CNTN5: variants seen among roughly 807,000 people sequenced by gnomAD.
CNTN5 encodes contactin 5, also known as contactin-5.
In CNTN5, 77 loss-of-function variants were observed where a neutral mutation model predicts 129.1. The observed-to-expected ratio is 0.60, with a 90% confidence interval of 0.50 to 0.72. The LOEUF is 0.72. Among genes scored for constraint, CNTN5 ranks in the 30% least tolerant of loss-of-function variants. The pLI is 0.00. For missense variants in CNTN5, 1,478 were observed against 1,328.8 expected, an observed-to-expected ratio of 1.11 and a Z score of -1.75; for synonymous variants, 509 against 465.6, an observed-to-expected ratio of 1.09 and a Z score of -1.20.
At chr11:100,111,096 A>G (rs1255510731) in intron 13 of CNTN5, among the ~76,000 whole-genome samples, 2 of 152,050 alleles carry the variant, frequency 1.3e-5, no homozygotes, top group Non-Finnish European at 2.9e-5. Flanking sequence ...AGGGAAAGAG[A>G]GGGAGAAATA....
chr11:99,457,716 A>G (rs1370279701), intron 2 of CNTN5, among the ~76,000 whole-genome samples: 1 of 151,766 alleles, frequency 6.6e-6, no homozygotes, highest in Non-Finnish European at 1.5e-5. Flanking sequence ...CTTAATATTG[A>G]TATTATTAAA....
intron 1 of CNTN5, among the ~76,000 whole-genome samples, chr11:99,116,646 T>C (rs1858060053): frequency 6.6e-6 from 1 of 152,184 alleles, no homozygotes; most frequent in African/African-American, 2.4e-5. Flanking sequence ...TGAATGAGTT[T>C]ATAGAGTAGA....
chr11:99,245,612 T>A (rs1038812001), intron 1 of CNTN5, among the ~76,000 whole-genome samples: 3 of 152,140 alleles, frequency 2.0e-5, no homozygotes, highest in Admixed American at 2.0e-4. Context: ...TGAGCCACAG[T>A]GCCTGGCTCA....
intron 1 of CNTN5, among the ~76,000 whole-genome samples, chr11:99,149,703 C>T (rs1859954011): frequency 1.3e-5 from 2 of 151,886 alleles, no homozygotes; most frequent in South Asian, 2.1e-4. Flanking sequence ...TCCCACACTG[C>T]TTCTATCTAT....
At chr11:99,580,687 C>G (rs1417832339) in intron 3 of CNTN5, among the ~76,000 whole-genome samples, 5 of 151,924 alleles carry the variant, frequency 3.3e-5, no homozygotes, top group Admixed American at 3.3e-4. Flanking sequence ...TCCCCTTTGT[C>G]ATTTTTTATT....
intron 1 of CNTN5, among the ~76,000 whole-genome samples, chr11:99,171,306 T>C (rs1210075495): frequency 6.6e-6 from 1 of 152,210 alleles, no homozygotes; most frequent in Non-Finnish European, 1.5e-5. Flanking sequence ...ATGTCAAAAT[T>C]TGTATGTACA....
intron 2 of CNTN5, among the ~76,000 whole-genome samples, chr11:99,456,187 A>G (rs1228910344): frequency 1.3e-5 from 2 of 152,146 alleles, no homozygotes; most frequent in Non-Finnish European, 2.9e-5. Flanking sequence ...ATTGGATGCA[A>G]ACTTTTCTAA....
intron 24 of CNTN5, among the ~76,000 whole-genome samples, chr11:100,353,390 T>C (rs2139044663): frequency 6.6e-6 from 1 of 151,758 alleles, no homozygotes; most frequent in South Asian, 2.1e-4. Context: ...GAACTTAGTC[T>C]AATGTTGCTC....
intron 2 of CNTN5, among the ~76,000 whole-genome samples, chr11:99,345,859 T>C (rs940885368): frequency 1.3e-5 from 2 of 152,220 alleles, no homozygotes; most frequent in African/African-American, 4.8e-5. Context: ...AAATTGATTG[T>C]ATTTTTCCCA....
At chr11:99,250,689 A>C (rs563516107) in intron 1 of CNTN5, among the ~76,000 whole-genome samples, 14 of 152,028 alleles carry the variant, frequency 9.2e-5, no homozygotes, top group African/African-American at 3.4e-4. Context: ...CGATGTTTCC[A>C]TAGATGACTG....
chr11:99,229,516 C>G (rs1591387186), intron 1 of CNTN5, among the ~76,000 whole-genome samples: 1 of 75,356 alleles, frequency 1.3e-5, no homozygotes, highest in African/African-American at 5.2e-5. Context: ...AAAACTAAAT[C>G]ACAATTTTAG....
intron 3 of CNTN5, among the ~76,000 whole-genome samples, chr11:99,632,567 T>C (rs1015153647): frequency 2.6e-5 from 4 of 152,164 alleles, no homozygotes; most frequent in African/African-American, 9.6e-5. Context: ...TGATTTTTAC[T>C]CTAATACTGC....
At chr11:100,045,972 A>T (rs1239901122) in intron 9 of CNTN5, among the ~76,000 whole-genome samples, 1 of 151,958 alleles carries the variant, frequency 6.6e-6, no homozygotes, top group Non-Finnish European at 1.5e-5. Context: ...TTTTATTATT[A>T]TTATACTTTA....
At chr11:99,474,269 T>C (rs2135285968) in intron 2 of CNTN5, among the ~76,000 whole-genome samples, 1 of 152,174 alleles carries the variant, frequency 6.6e-6, no homozygotes, top group South Asian at 2.1e-4. Context: ...TTATTTTGGA[T>C]TATGATCTGC....
intron 21 of CNTN5, among the ~76,000 whole-genome samples, chr11:100,322,379 C>T (rs936414613): frequency 4.6e-5 from 7 of 152,222 alleles, no homozygotes; most frequent in Non-Finnish European, 7.4e-5. Context: ...CCCGCCACTA[C>T]GCCCGGCTAA....
At chr11:100,149,694 C>T (rs1325756282) in intron 13 of CNTN5, among the ~76,000 whole-genome samples, 1 of 151,818 alleles carries the variant, frequency 6.6e-6, no homozygotes, top group Non-Finnish European at 1.5e-5. Flanking sequence ...AGATCGAGAC[C>T]ATCCTGGCTA....
intron 10 of CNTN5, among the ~76,000 whole-genome samples, chr11:100,062,333 C>G (rs1943518954): frequency 6.6e-6 from 1 of 152,260 alleles, no homozygotes; most frequent in Non-Finnish European, 1.5e-5. Context: ...TACAGGAACT[C>G]CTAAAGAGTA....
chr11:99,733,433 T>G (rs1352247525), intron 3 of CNTN5, among the ~76,000 whole-genome samples: 7 of 151,788 alleles, frequency 4.6e-5, no homozygotes, highest in Non-Finnish European at 1.0e-4. Context: ...GAAGGCTGTT[T>G]AGAACATGGT....
intron 1 of CNTN5, among the ~76,000 whole-genome samples, chr11:99,233,383 C>T (rs1209034875): frequency 6.6e-6 from 1 of 152,080 alleles, no homozygotes; most frequent in African/African-American, 2.4e-5. Context: ...TTTTCAAAAG[C>T]ATATTATGTG....
Sources: gnomAD v4.1 joint callset for allele counts (sites outside exome capture counted in the v4.1 genomes callset) on GRCh38, gnomAD v4.1.1 for gene constraint, MANE v1.5 for transcripts, NCBI Gene and HGNC (gene_info 2026-07-23, HGNC 2026-07-21) for gene names.